The following CCDC91 variants were observed in gnomAD, a reference collection of about 807,000 sequenced individuals.
The protein encoded by CCDC91 is coiled-coil domain containing 91.
In CCDC91, 48 loss-of-function variants were observed where a neutral mutation model predicts 63.2. The ratio of observed to expected loss-of-function variants is 0.76; its 90% CI spans 0.60 to 0.97. The LOEUF is 0.97. Among genes scored for constraint, CCDC91 ranks in the 50% least tolerant of loss-of-function variants. The pLI, the probability that CCDC91 is intolerant of heterozygous loss-of-function variation, is 0.00. For missense variants in CCDC91, 500 were observed against 494.6 expected, an observed-to-expected ratio of 1.01 and a Z score of -0.10; for synonymous variants, 167 against 165.8, an observed-to-expected ratio of 1.01 and a Z score of -0.06.
intron 1 of CCDC91, among the ~76,000 whole-genome samples, chr12:28,254,962 A>G (rs1282293255): frequency 6.6e-6 from 1 of 151,946 alleles, no homozygotes; most frequent in Admixed American, 6.6e-5. Flanking sequence ...TAGTAGAGGC[A>G]GGGTTTCACC....
intron 8 of CCDC91, among the ~76,000 whole-genome samples, chr12:28,449,792 T>C (rs1191059089): frequency 6.6e-6 from 1 of 152,010 alleles, no homozygotes. Flanking sequence ...TTCTCAGTTA[T>C]CATCTAATTG....
chr12:28,530,866 A>T (rs1300865997), intron 12 of CCDC91, among the ~76,000 whole-genome samples: 1 of 152,060 alleles, frequency 6.6e-6, no homozygotes, highest in Non-Finnish European at 1.5e-5. Context: ...TGTCCCCAAA[A>T]AGCATATGTT....
intron 8 of CCDC91, among the ~76,000 whole-genome samples, chr12:28,398,217 A>G (rs1946404873): frequency 6.6e-6 from 1 of 152,014 alleles, no homozygotes; most frequent in Admixed American, 6.6e-5. Context: ...CAACCCACTA[A>G]TCTATAGTCT....
intron 3 of CCDC91, among the ~76,000 whole-genome samples, chr12:28,260,817 T>C (rs925832562): frequency 1.3e-5 from 2 of 151,968 alleles, no homozygotes; most frequent in African/African-American, 4.8e-5. Flanking sequence ...AGCATGGCAT[T>C]GGAAATGGAT....
chr12:28,472,427 T>G (rs1950867563), intron 11 of CCDC91, among the ~76,000 whole-genome samples: 1 of 152,156 alleles, frequency 6.6e-6, no homozygotes, highest in Non-Finnish European at 1.5e-5. Flanking sequence ...GGTGCTTATA[T>G]AATGAGAAAA....
At chr12:28,502,122 G>A (rs1011890878) in intron 12 of CCDC91, among the ~76,000 whole-genome samples, 17 of 151,494 alleles carry the variant, frequency 1.1e-4, no homozygotes, top group South Asian at 6.2e-4. Flanking sequence ...TCTTGCTAGC[G>A]GTCTATCAAT....
chr12:28,402,512 T>C (rs963304173), intron 8 of CCDC91, among the ~76,000 whole-genome samples: 1 of 144,906 alleles, frequency 6.9e-6, no homozygotes, highest in African/African-American at 2.5e-5. Flanking sequence ...CACTTATTAG[T>C]TCCAGGAATT....
At chr12:28,199,910 A>T (rs1942079923) in intron 1 of CCDC91, among the ~76,000 whole-genome samples, 1 of 152,178 alleles carries the variant, frequency 6.6e-6, no homozygotes, top group Admixed American at 6.5e-5. Context: ...GATGTGTTAC[A>T]GTGTGGATCT....
At chr12:28,343,304 T>C (rs1411668286) in intron 6 of CCDC91, among the ~76,000 whole-genome samples, 1 of 151,978 alleles carries the variant, frequency 6.6e-6, no homozygotes, top group Admixed American at 6.6e-5. Context: ...ACACATATGT[T>C]CATATGTGCA....
At chr12:28,409,192 T>A (rs1947159145) in intron 8 of CCDC91, among the ~76,000 whole-genome samples, 1 of 152,168 alleles carries the variant, frequency 6.6e-6, no homozygotes, top group African/African-American at 2.4e-5. Flanking sequence ...AAGCATTAAT[T>A]TTTCCATTAT....
At chr12:28,262,048 T>C (rs1217233030) in intron 3 of CCDC91, among the ~76,000 whole-genome samples, 1 of 152,012 alleles carries the variant, frequency 6.6e-6, no homozygotes, top group East Asian at 1.9e-4. Flanking sequence ...ACTGGAGAAG[T>C]CTGCCTCTTG....
chr12:28,407,521 C>T (rs569290675), intron 8 of CCDC91, among the ~76,000 whole-genome samples: 52 of 152,112 alleles, frequency 3.4e-4, no homozygotes, highest in African/African-American at 1.3e-3. Context: ...TTTGCATTTC[C>T]ACATAACTTT....
intron 12 of CCDC91, among the ~76,000 whole-genome samples, chr12:28,519,409 A>C (rs1055983775): frequency 1.3e-5 from 2 of 151,716 alleles, no homozygotes; most frequent in African/African-American, 4.8e-5. Flanking sequence ...TGTGTATGTT[A>C]ATTTTGGATC....
intron 6 of CCDC91, among the ~76,000 whole-genome samples, chr12:28,355,689 A>G (rs1943477697): frequency 6.6e-6 from 1 of 152,148 alleles, no homozygotes; most frequent in Non-Finnish European, 1.5e-5. Context: ...TTGTATGAGT[A>G]GATTGTGAGG....
intron 11 of CCDC91, among the ~76,000 whole-genome samples, chr12:28,474,620 TA>T (rs999236416): frequency 2.0e-5 from 3 of 152,024 alleles, no homozygotes; most frequent in African/African-American, 7.2e-5. Flanking sequence ...AGAGGGAAGA[TA>T]GGGGGACTAA....
At chr12:28,284,771 G>A (rs1948813337) in intron 3 of CCDC91, among the ~76,000 whole-genome samples, 1 of 152,192 alleles carries the variant, frequency 6.6e-6, no homozygotes, top group Non-Finnish European at 1.5e-5. Context: ...AAAGTAGCAT[G>A]ACTGTATTCG....
chr12:28,251,957 A>T (rs1946143179), intron 1 of CCDC91, among the ~76,000 whole-genome samples: 1 of 152,126 alleles, frequency 6.6e-6, no homozygotes, highest in Non-Finnish European at 1.5e-5. Context: ...GGTTTACTCC[A>T]TAGCTTTTAA....
At chr12:28,377,900 A>T (rs1294994295) in intron 7 of CCDC91, among the ~76,000 whole-genome samples, 1 of 152,014 alleles carries the variant, frequency 6.6e-6, no homozygotes, top group African/African-American at 2.4e-5. Flanking sequence ...GGTCACTTGA[A>T]TAGTACTTAT....
rs145898723 is a variant in CCDC91 at position 28,431,808 on chromosome 12, A to G, written c.763-18353A>G. Among the ~76,000 whole-genome samples, 289 of 152,104 alleles carry G rather than the reference A, an allele frequency of 1.9e-3. 2 individuals are homozygous for G. Among genetic ancestry groups the G allele is most frequent in the African/African-American group, 6.5e-3 (270 of 41,528 alleles). ...GTGTACATTCTAAGAGTTCTGACAAATGTGTAATGACATATATCCAATAAT... is the reference window on the plus strand; with the variant it reads ...GTGTACATTCTAAGAGTTCTGACAAGTGTGTAATGACATATATCCAATAAT... On this transcript the variant is annotated intron_variant, in intron 8 of 12. Coordinates refer to ENST00000536442, the MANE Select transcript of CCDC91 (RefSeq NM_018318.5).
Sources: gnomAD v4.1 joint callset for allele counts (sites outside exome capture counted in the v4.1 genomes callset) on GRCh38, gnomAD v4.1.1 for gene constraint, MANE v1.5 for transcripts, NCBI Gene and HGNC (gene_info 2026-07-23, HGNC 2026-07-21) for gene names.